The following GRID1 variants were observed in gnomAD, a reference collection of about 807,000 sequenced individuals.
GRID1 encodes glutamate receptor ionotropic, delta-1.
Under a neutral mutation model 98.0 loss-of-function variants are expected in GRID1, and 28 were observed. The ratio of observed to expected loss-of-function variants is 0.29; its 90% confidence interval spans 0.21 to 0.39. The LOEUF is 0.39. Ranked by LOEUF, GRID1 falls within the 10% of genes least tolerant of loss-of-function variation. GRID1 has a pLI of 1.00. For missense variants in GRID1, 1,111 were observed against 1,340.5 expected (o/e 0.83, Z 2.67); for synonymous variants, 553 against 538.5 (o/e 1.03, Z -0.37).
chr10:85,782,092 C>A (rs1215540585), intron 8 of GRID1, among the ~76,000 whole-genome samples: 2 of 152,190 alleles, frequency 1.3e-5, no homozygotes, highest in Non-Finnish European at 1.5e-5. Flanking sequence ...ATAATAATTT[C>A]ATAACATTTT....
At chr10:85,695,077 T>A (rs1238302674) in intron 12 of GRID1, among the ~76,000 whole-genome samples, 1 of 152,154 alleles carries the variant, frequency 6.6e-6, no homozygotes, top group Non-Finnish European at 1.5e-5. Flanking sequence ...AAAAATAAAG[T>A]CTACTAAATT....
At chr10:86,334,191 C>T (rs181558707) in intron 2 of GRID1, among the ~76,000 whole-genome samples, 2 of 152,270 alleles carry the variant, frequency 1.3e-5, no homozygotes, top group Admixed American at 6.5e-5. Context: ...CTGCCTTAAA[C>T]TGCTTTGAAG....
At chr10:86,203,365 C>T (rs1020583140) in intron 3 of GRID1, among the ~76,000 whole-genome samples, 2 of 151,918 alleles carry the variant, frequency 1.3e-5, no homozygotes, top group South Asian at 4.2e-4. Flanking sequence ...CAGGCCACAG[C>T]CAGCCATGCC....
rs1397584240 is a variant in GRID1 at position 85,848,213 on chromosome 10, A to G, written c.1233+6283T>C. Among the ~76,000 whole-genome samples the G allele has an allele frequency of 3.9e-5, 6 of 152,130 alleles. No homozygotes were observed. The East Asian group carries it at 1.2e-3, about 29-fold the overall frequency. ...AAGTTATTAGGCCTTTCTATAATCA[A>G]TTTGAAAATATGTATCATGTACATC... On this transcript the variant is annotated intron_variant, in intron 8 of 15. Coordinates refer to ENST00000327946, the MANE Select transcript of GRID1 (RefSeq NM_017551.3).
intron 6 of GRID1, among the ~76,000 whole-genome samples, chr10:85,860,191 A>T (rs1295854955): frequency 6.6e-6 from 1 of 152,208 alleles, no homozygotes; most frequent in Non-Finnish European, 1.5e-5. Context: ...GGTTATGCAC[A>T]GTACAGAGTC....
chr10:86,121,381 C>T (rs1393838681), intron 4 of GRID1, among the ~76,000 whole-genome samples: 2 of 147,094 alleles, frequency 1.4e-5, no homozygotes, highest in Non-Finnish European at 3.0e-5. Context: ...CACCATCTCA[C>T]CATCATTTAT....
chr10:86,166,951 C>T (rs904096013), intron 3 of GRID1, among the ~76,000 whole-genome samples: 1 of 152,196 alleles, frequency 6.6e-6, no homozygotes, highest in Non-Finnish European at 1.5e-5. Flanking sequence ...CAGGAACTTA[C>T]GGGCATTGCT....
intron 6 of GRID1, among the ~76,000 whole-genome samples, chr10:85,867,742 C>T (rs754461234): frequency 3.9e-5 from 6 of 152,214 alleles, no homozygotes; most frequent in South Asian, 2.1e-4. Context: ...ACCCCTCCAC[C>T]GCCTTAGAAA....
intron 4 of GRID1, among the ~76,000 whole-genome samples, chr10:86,005,506 C>T (rs78991287): frequency 0.029 from 4,446 of 152,162 alleles, 147 homozygotes; most frequent in African/African-American, 0.078. Context: ...ACTAGAATAT[C>T]TAATAACAAA....
At chr10:86,204,224 TTCC>T (rs1371132276) in intron 3 of GRID1, among the ~76,000 whole-genome samples, 1 of 152,170 alleles carries the variant, frequency 6.6e-6, no homozygotes, top group Non-Finnish European at 1.5e-5. Context: ...CTTCTCCCCA[TTCC>T]TCCTTTGTTT....
intron 12 of GRID1, among the ~76,000 whole-genome samples, chr10:85,652,752 C>T (rs543707246): frequency 3.9e-5 from 6 of 152,246 alleles, no homozygotes; most frequent in African/African-American, 1.2e-4. Flanking sequence ...TGGGTTTCTT[C>T]CCCAGCGCCC....
At position 85,602,059 on chromosome 10, in the gene GRID1, T is replaced by C; in HGVS notation, c.*214A>G. On this transcript the variant is annotated 3_prime_UTR_variant, in exon 16 of 16. Transcript: ENST00000327946. ...CAAAGTCATTCATACAGTTTTTGTG[T>C]TTTTTTACTGACTTCGAAAATTGGG... 4.4e-6 allele frequency: 2 copies of C among 449,462 alleles called. No homozygotes were observed. The highest frequency in any genetic ancestry group is 7.8e-6 in the Non-Finnish European group (2 of 256,200). 27.8% of individuals were successfully genotyped at this position (449,462 alleles called of 1,614,324 possible). A position where few individuals can be genotyped will look rare whatever the true frequency, so the allele number is the denominator to read the frequency against.
chr10:85,976,513 T>G (rs1460663148), intron 4 of GRID1, among the ~76,000 whole-genome samples: 3 of 152,202 alleles, frequency 2.0e-5, no homozygotes, highest in African/African-American at 7.2e-5. Context: ...GATTCTAGCT[T>G]CTGCAAGAAC....
intron 8 of GRID1, among the ~76,000 whole-genome samples, chr10:85,849,340 C>T (rs1183924323): frequency 1.3e-5 from 2 of 152,162 alleles, no homozygotes; most frequent in South Asian, 2.1e-4. Context: ...AGGGATGCAA[C>T]ATCAAGGGGG....
At chr10:85,882,564 T>C (rs1047987530) in intron 5 of GRID1, among the ~76,000 whole-genome samples, 9 of 152,172 alleles carry the variant, frequency 5.9e-5, no homozygotes, top group African/African-American at 1.4e-4. Context: ...TAGATGGGAA[T>C]TGAACAATGA....
chr10:85,752,302 CTGACTACCTTTG>C (rs1224902156), intron 8 of GRID1, among the ~76,000 whole-genome samples: 1 of 152,168 alleles, frequency 6.6e-6, no homozygotes, highest in African/African-American at 2.4e-5. Flanking sequence ...TGAGACATGA[CTGACTACCTTTG>C]TGATGTGGAA....
intron 2 of GRID1, among the ~76,000 whole-genome samples, chr10:86,350,842 G>A (rs1848452192): frequency 6.6e-6 from 1 of 152,130 alleles, no homozygotes; most frequent in African/African-American, 2.4e-5. Flanking sequence ...ACAATAAATT[G>A]TTGTTAATTA....
intron 4 of GRID1, among the ~76,000 whole-genome samples, chr10:86,089,271 G>T (rs927505200): frequency 1.3e-5 from 2 of 152,136 alleles, no homozygotes; most frequent in African/African-American, 4.8e-5. Context: ...GCCAGGGAAG[G>T]GTCAGTGGTG....
At chr10:86,287,752 T>G (rs144879160) in intron 2 of GRID1, among the ~76,000 whole-genome samples, 23 of 152,112 alleles carry the variant, frequency 1.5e-4, no homozygotes, top group African/African-American at 5.1e-4. Flanking sequence ...GTTTCACAGT[T>G]TAAATGGTTT....
Sources: gnomAD v4.1 joint callset for allele counts (sites outside exome capture counted in the v4.1 genomes callset) on GRCh38, gnomAD v4.1.1 for gene constraint, MANE v1.5 for transcripts, NCBI Gene and HGNC (gene_info 2026-07-23, HGNC 2026-07-21) for gene names.